The following ST6GAL1 variants were observed in gnomAD, a reference collection of about 807,000 sequenced individuals.
ST6GAL1 encodes beta-galactoside alpha-2,6-sialyltransferase 1.
ST6GAL1 carries 20 observed loss-of-function variants against 38.0 expected under a neutral mutation model. The ratio of observed to expected loss-of-function variants is 0.53; its 90% CI spans 0.37 to 0.77. The LOEUF is 0.77. Among genes scored for constraint, ST6GAL1 ranks in the 30% least tolerant of loss-of-function variants. ST6GAL1 has a pLI of 0.00. For missense variants in ST6GAL1, 432 were observed against 496.4 expected (o/e 0.87, Z 1.23); for synonymous variants, 196 against 188.2 (o/e 1.04, Z -0.34).
chr3:187,049,016 G>C (rs563217285), intron 4 of ST6GAL1, among the ~76,000 whole-genome samples: 2 of 149,878 alleles, frequency 1.3e-5, no homozygotes, highest in African/African-American at 2.5e-5. Flanking sequence ...TCAGCCTCCA[G>C]AGTAGCTAGG....
chr3:187,025,328 G>C (rs1289677443), intron 2 of ST6GAL1, among the ~76,000 whole-genome samples: 1 of 152,048 alleles, frequency 6.6e-6, no homozygotes, highest in Non-Finnish European at 1.5e-5. Context: ...TGAGGAGATG[G>C]CGGGCCCGTT....
chr3:186,939,914 C>G (rs1714105425), intron 1 of ST6GAL1, among the ~76,000 whole-genome samples: 1 of 152,214 alleles, frequency 6.6e-6, no homozygotes, highest in Non-Finnish European at 1.5e-5. Flanking sequence ...CTCTCACACC[C>G]CATCTATGGG....
At chr3:186,943,543 G>A (rs1320715916) in intron 1 of ST6GAL1, among the ~76,000 whole-genome samples, 2 of 152,032 alleles carry the variant, frequency 1.3e-5, no homozygotes, top group African/African-American at 4.8e-5. Context: ...TCCGCCTCCC[G>A]GGTTCAAGCC....
chr3:187,014,713 G>A (rs181042439), intron 2 of ST6GAL1, among the ~76,000 whole-genome samples: 50 of 152,270 alleles, frequency 3.3e-4, no homozygotes, highest in African/African-American at 1.2e-3. Context: ...TCCCATTTGC[G>A]GTTCCTTCAT....
At chr3:187,054,820 A>G (rs1004854356) in intron 5 of ST6GAL1, among the ~76,000 whole-genome samples, 12 of 152,190 alleles carry the variant, frequency 7.9e-5, no homozygotes, top group South Asian at 6.2e-4. Flanking sequence ...CATAAAATGA[A>G]TTAGGGAGGA....
At chr3:186,990,482 A>G (rs1199418612) in intron 2 of ST6GAL1, among the ~76,000 whole-genome samples, 2 of 152,162 alleles carry the variant, frequency 1.3e-5, no homozygotes, top group Non-Finnish European at 2.9e-5. Flanking sequence ...TTGTGATGAT[A>G]GGCATAGACT....
intron 1 of ST6GAL1, among the ~76,000 whole-genome samples, chr3:186,940,267 A>C (rs1476483916): frequency 1.3e-5 from 2 of 149,458 alleles, no homozygotes; most frequent in Non-Finnish European, 3.0e-5. Context: ...AGGCTTCTTC[A>C]CATAAATAAT....
intron 2 of ST6GAL1, among the ~76,000 whole-genome samples, chr3:187,032,957 T>A (rs1345665018): frequency 6.6e-6 from 1 of 152,162 alleles, no homozygotes; most frequent in Admixed American, 6.5e-5. Context: ...GTCAAGTATG[T>A]CCATATGGCT....
chr3:187,041,302 C>T (rs1054475085), intron 3 of ST6GAL1, among the ~76,000 whole-genome samples: 2 of 152,160 alleles, frequency 1.3e-5, no homozygotes, highest in Non-Finnish European at 2.9e-5. Flanking sequence ...CTCCTACTAC[C>T]TTTTCCTGAT....
chr3:187,037,886 T>C (rs1305936103), intron 2 of ST6GAL1, among the ~76,000 whole-genome samples: 2 of 152,204 alleles, frequency 1.3e-5, no homozygotes. Context: ...GGTGTACTTT[T>C]TTCTAGTACT....
chr3:187,061,570 A>T (rs1306024187), intron 5 of ST6GAL1, among the ~76,000 whole-genome samples: 1 of 152,214 alleles, frequency 6.6e-6, no homozygotes, highest in African/African-American at 2.4e-5. Context: ...AGTCTTGTAT[A>T]TATGTGTAAA....
At chr3:187,046,945 A>C (rs570854644) in intron 4 of ST6GAL1, among the ~76,000 whole-genome samples, 1 of 152,238 alleles carries the variant, frequency 6.6e-6, no homozygotes, top group South Asian at 2.1e-4. Context: ...CCTTCAAGTC[A>C]TAGTGTTTTG....
chr3:187,015,164 T>A (rs1226082068), intron 2 of ST6GAL1, among the ~76,000 whole-genome samples: 5 of 152,342 alleles, frequency 3.3e-5, no homozygotes, highest in African/African-American at 1.2e-4. Context: ...CCCTGCACAC[T>A]GGGTTCCAGC....
intron 2 of ST6GAL1, among the ~76,000 whole-genome samples, chr3:187,030,404 G>C (rs554421269): frequency 2.0e-5 from 3 of 152,236 alleles, no homozygotes; most frequent in South Asian, 2.1e-4. Context: ...CCAGTGAGTA[G>C]AGCTTAAAAC....
intron 2 of ST6GAL1, among the ~76,000 whole-genome samples, chr3:186,981,670 A>G (rs1161789418): frequency 6.6e-6 from 1 of 152,240 alleles, no homozygotes; most frequent in African/African-American, 2.4e-5. Flanking sequence ...ATTTTTGGGC[A>G]TATAAATTAC....
intron 4 of ST6GAL1, among the ~76,000 whole-genome samples, chr3:187,045,955 A>T (rs1042934120): frequency 9.9e-5 from 15 of 152,194 alleles, no homozygotes; most frequent in African/African-American, 3.6e-4. Flanking sequence ...GAGGCCAGAA[A>T]GGTAGCTAGG....
rs1230676443 is a variant in ST6GAL1, at chr3:186,988,478, A to G, written c.-183+24552A>G. Reference sequence around the variant, plus strand: ...CTTACAGGAAGGACTGAGTGAGGAAAGACAGGCTGCACCAATATAAATGTA... The same window carrying G: ...CTTACAGGAAGGACTGAGTGAGGAAGGACAGGCTGCACCAATATAAATGTA... On this transcript the variant is annotated intron_variant, in intron 2 of 7. Coordinates refer to ENST00000169298, the MANE Select transcript of ST6GAL1 (RefSeq NM_173216.2). Among the ~76,000 whole-genome samples the G allele has an allele frequency of 9.3e-5, 14 of 151,328 alleles. No homozygotes were observed. In the Admixed American group the frequency reaches 9.3e-4, roughly 10 times the overall value.
chr3:186,999,407 T>G (rs1716534433), intron 2 of ST6GAL1, among the ~76,000 whole-genome samples: 1 of 129,792 alleles, frequency 7.7e-6, no homozygotes, highest in South Asian at 2.7e-4. Context: ...AAGACTACTA[T>G]AATCTCTTTT....
chr3:187,062,118 A>T (rs1370733270), intron 5 of ST6GAL1, among the ~76,000 whole-genome samples: 1 of 152,218 alleles, frequency 6.6e-6, no homozygotes, highest in Non-Finnish European at 1.5e-5. Context: ...ACATGAAAAG[A>T]GACTCAACTC....
Sources: gnomAD v4.1 joint callset for allele counts (sites outside exome capture counted in the v4.1 genomes callset) on GRCh38, gnomAD v4.1.1 for gene constraint, MANE v1.5 for transcripts, NCBI Gene and HGNC (gene_info 2026-07-23, HGNC 2026-07-21) for gene names.